The following AP3B1 variants were observed in gnomAD, a reference collection of about 807,000 sequenced individuals.
The protein encoded by AP3B1 is adaptor related protein complex 3 subunit beta 1.
In AP3B1, 61 loss-of-function variants were observed where a neutral mutation model predicts 132.5. The ratio of observed to expected loss-of-function variants is 0.46; its 90% CI spans 0.37 to 0.57. The LOEUF is 0.57. Ranked by LOEUF, AP3B1 falls within the 20% of genes least tolerant of loss-of-function variation. AP3B1 has a pLI of 0.00. For synonymous variants in AP3B1, 388 were observed against 438.3 expected, an observed-to-expected ratio of 0.89 and a Z score of 1.43; for missense variants, 1,120 against 1,289.4, an observed-to-expected ratio of 0.87 and a Z score of 2.01.
chr5:78,160,213 T>C (rs1341991979), intron 13 of AP3B1, among the ~76,000 whole-genome samples: 1 of 152,242 alleles, frequency 6.6e-6, no homozygotes, highest in Non-Finnish European at 1.5e-5. Flanking sequence ...ATTCAACATT[T>C]ATTAAACATC....
intron 7 of AP3B1, among the ~76,000 whole-genome samples, chr5:78,191,913 T>C (rs1744849839): frequency 6.6e-6 from 1 of 152,074 alleles, no homozygotes; most frequent in Non-Finnish European, 1.5e-5. Flanking sequence ...CAGGCTGGAG[T>C]GCAATGGCGC....
At chr5:78,058,865 C>T (rs757514885) in intron 22 of AP3B1, among the ~76,000 whole-genome samples, 2 of 152,134 alleles carry the variant, frequency 1.3e-5, no homozygotes, top group Non-Finnish European at 2.9e-5. Flanking sequence ...TCTATGAGTG[C>T]CATCACCCTG....
intron 7 of AP3B1, among the ~76,000 whole-genome samples, chr5:78,208,742 A>C (rs1419456201): frequency 2.6e-5 from 4 of 152,218 alleles, no homozygotes; most frequent in Non-Finnish European, 5.9e-5. Flanking sequence ...TATTTGGAGA[A>C]TATTTAATAT....
chr5:78,160,420 A>C (rs1389106665), intron 13 of AP3B1, among the ~76,000 whole-genome samples: 1 of 152,160 alleles, frequency 6.6e-6, no homozygotes, highest in Non-Finnish European at 1.5e-5. Flanking sequence ...AAGGTCTATA[A>C]GAAATTGGCT....
In AP3B1 at chr5:78,208,286, T is replaced by G. The variant is rs913357553; in HGVS notation, c.786+7769A>C. Among the ~76,000 whole-genome samples the G allele has an allele frequency of 4.6e-5, 7 of 152,192 alleles. No homozygotes were observed. In the South Asian group the frequency reaches 8.3e-4, roughly 18 times the overall value. On this transcript the variant is annotated intron_variant, in intron 7 of 26. Transcript: ENST00000255194. ...AAGCTGTTGAAATACTTGATATACT[T>G]GACAACTGTACTAGTCAGAACTGTG...
intron 1 of AP3B1, among the ~76,000 whole-genome samples, chr5:78,271,293 T>C (rs563467105): frequency 1.3e-5 from 2 of 152,154 alleles, no homozygotes; most frequent in African/African-American, 4.8e-5. Flanking sequence ...TGGTGGCACA[T>C]GCCTGTAATC....
intron 20 of AP3B1, 37 bp from the exon 21 acceptor site, chr5:78,101,062 T>TTTC: frequency 7.6e-7 from 1 of 1,309,412 alleles, no homozygotes; most frequent in Non-Finnish European, 1.1e-6. Flanking sequence ...TCACACGTTC[T>TTTC]GTTTTAAAAA....
intron 3 of AP3B1, among the ~76,000 whole-genome samples, chr5:78,238,662 C>T (rs1746985097): frequency 6.6e-6 from 1 of 151,124 alleles, no homozygotes; most frequent in Non-Finnish European, 1.5e-5. Flanking sequence ...TCATATGGGA[C>T]CACTGTCATA....
At chr5:78,031,681 T>C (rs995797985) in intron 24 of AP3B1, among the ~76,000 whole-genome samples, 2 of 152,220 alleles carry the variant, frequency 1.3e-5, no homozygotes, top group Admixed American at 6.5e-5. Flanking sequence ...TTCTGCCAGA[T>C]TGGTTCTTAC....
chr5:78,071,262 C>A (rs1749530009), intron 22 of AP3B1, among the ~76,000 whole-genome samples: 1 of 152,198 alleles, frequency 6.6e-6, no homozygotes, highest in African/African-American at 2.4e-5. Flanking sequence ...TTCACAGGGA[C>A]ATGGCTGGAG....
At chr5:78,087,656 T>C in intron 22 of AP3B1, 4 of 985,188 alleles carry the variant, frequency 4.1e-6, no homozygotes, top group East Asian at 1.1e-4. Flanking sequence ...TTAGATGGAG[T>C]GCTTTTCTTT....
chr5:78,087,957 AT>A (rs1226364610), intron 22 of AP3B1, among the ~76,000 whole-genome samples: 2 of 152,220 alleles, frequency 1.3e-5, no homozygotes, highest in African/African-American at 4.8e-5. Flanking sequence ...GGTAGATAGT[AT>A]TCTCTTAGGA....
At chr5:78,155,833 A>G (rs1743125876) in intron 14 of AP3B1, among the ~76,000 whole-genome samples, 1 of 152,174 alleles carries the variant, frequency 6.6e-6, no homozygotes, top group African/African-American at 2.4e-5. Flanking sequence ...ATACACTTCA[A>G]AAGAGTAAAT....
At chr5:78,254,861 T>C (rs1164178081) in intron 2 of AP3B1, among the ~76,000 whole-genome samples, 1 of 152,074 alleles carries the variant, frequency 6.6e-6, no homozygotes, top group East Asian at 1.9e-4. Flanking sequence ...AACTAAATGA[T>C]GAACCAATCA....
chr5:78,273,752 A>C (rs1220603842), intron 1 of AP3B1, among the ~76,000 whole-genome samples: 1 of 152,164 alleles, frequency 6.6e-6, no homozygotes, highest in Non-Finnish European at 1.5e-5. Context: ...AGAGCCACAC[A>C]GAGTGCTAAG....
intron 1 of AP3B1, among the ~76,000 whole-genome samples, chr5:78,292,686 T>G (rs1024340050): frequency 6.6e-6 from 1 of 152,204 alleles, no homozygotes; most frequent in African/African-American, 2.4e-5. Context: ...AAATACTCAA[T>G]AAATATCTTT....
At chr5:78,280,671 A>T (rs552593208) in intron 1 of AP3B1, among the ~76,000 whole-genome samples, 4 of 146,636 alleles carry the variant, frequency 2.7e-5, no homozygotes, top group African/African-American at 9.7e-5. Context: ...TTAATTTTTA[A>T]ATTCTTTAAA....
intron 7 of AP3B1, among the ~76,000 whole-genome samples, chr5:78,203,654 T>C (rs1745388897): frequency 1.3e-5 from 2 of 152,158 alleles, no homozygotes; most frequent in South Asian, 2.1e-4. Flanking sequence ...TTCAGCCATT[T>C]TTTTCTTCAG....
At chr5:78,186,243 T>C (rs1744600254) in intron 7 of AP3B1, among the ~76,000 whole-genome samples, 1 of 152,140 alleles carries the variant, frequency 6.6e-6, no homozygotes, top group African/African-American at 2.4e-5. Flanking sequence ...GCACAATAAC[T>C]ATATTAATAT....
Sources: allele counts gnomAD v4.1 joint callset (sites outside exome capture counted in the v4.1 genomes callset), GRCh38; gene constraint gnomAD v4.1.1; transcripts MANE v1.5; gene names NCBI Gene and HGNC (gene_info 2026-07-23, HGNC 2026-07-21).